ERH: variants seen among roughly 807,000 people sequenced by gnomAD.
ERH encodes ERH mRNA splicing and mitosis factor.
Under a neutral mutation model 16.8 loss-of-function variants are expected in ERH, and 1 was observed. That is an observed-to-expected ratio of 0.06 (90% CI 0.02 to 0.28). The LOEUF (loss-of-function observed/expected upper bound fraction) is 0.28. Ranked by LOEUF, ERH falls within the 10% of genes least tolerant of loss-of-function variation. The probability of loss-of-function intolerance (pLI) is 1.00; values close to 1 mark genes in which losing one functional copy is unlikely to be tolerated. For synonymous variants in ERH, 43 were observed against 43.6 expected, an observed-to-expected ratio of 0.99 and a Z score of 0.05; for missense variants, 42 against 127.5, an observed-to-expected ratio of 0.33 and a Z score of 3.23.
rs74789604 is a variant in ERH at position 69,380,462 on chromosome 14, C to G, written c.*76G>C. 1.3e-6 allele frequency: 1 copy of G among 786,406 alleles called. No homozygotes were observed. The highest frequency in any genetic ancestry group is 1.7e-5 in the African/African-American group (1 of 58,856). The allele number at this position is 786,406 out of a possible 1,614,324, so 48.7% of individuals were successfully genotyped here. A position where few individuals can be genotyped will look rare whatever the true frequency, so the allele number is the denominator to read the frequency against. On this transcript the variant is annotated 3_prime_UTR_variant, in exon 4 of 4. Coordinates refer to ENST00000557016, the MANE Select transcript of ERH (RefSeq NM_004450.3). ...AAGTGGAAACAGGATTACTATGATA[C>G]AAAACTTCCACTACAGCACGCTGTA... is the stretch of plus-strand genomic sequence containing the variant.
chr14:69,395,063 T>C, intron 1 of ERH, 151 bp from the exon 2 acceptor site: 1 of 624,716 alleles, frequency 1.6e-6, no homozygotes, highest in Non-Finnish European at 2.8e-6. Context: ...CCTATAATCC[T>C]CATCCTCTGG....
intron 2 of ERH, among the ~76,000 whole-genome samples, chr14:69,387,455 G>A (rs974876733): frequency 2.6e-5 from 4 of 152,126 alleles, no homozygotes; most frequent in African/African-American, 9.7e-5. Context: ...AGCTACCTGG[G>A]AAGCTGAGGT....
At chr14:69,384,533 GGAGT>G (rs976884008) in intron 3 of ERH, among the ~76,000 whole-genome samples, 3 of 152,090 alleles carry the variant, frequency 2.0e-5, no homozygotes, top group African/African-American at 7.2e-5. Flanking sequence ...CCACTTACTG[GGAGT>G]AAGTATGACA....
chr14:69,389,808 G>A (rs1403516945), intron 2 of ERH, among the ~76,000 whole-genome samples: 2 of 152,152 alleles, frequency 1.3e-5, no homozygotes, highest in African/African-American at 4.8e-5. Flanking sequence ...GTCTCATTCT[G>A]TTGCCCAGGC....
intron 1 of ERH, chr14:69,398,015 AG>A (rs1322993899): frequency 1.6e-6 from 1 of 621,592 alleles, no homozygotes; most frequent in Non-Finnish European, 2.8e-6. Flanking sequence ...CCGAGCGAGC[AG>A]GCGGGCGCGC....
intron 2 of ERH, among the ~76,000 whole-genome samples, chr14:69,391,324 C>T (rs1481462375): frequency 6.6e-6 from 1 of 152,024 alleles, no homozygotes; most frequent in South Asian, 2.1e-4. Flanking sequence ...TGCAGCCACA[C>T]ACACAAAAAG....
At chr14:69,396,942 G>A (rs570819103) in intron 1 of ERH, among the ~76,000 whole-genome samples, 12 of 152,310 alleles carry the variant, frequency 7.9e-5, no homozygotes, top group African/African-American at 2.6e-4. Context: ...GAAACCACGT[G>A]CATTCTTGCA....
chr14:69,396,007 C>A (rs1396668932), intron 1 of ERH, among the ~76,000 whole-genome samples: 1 of 152,162 alleles, frequency 6.6e-6, no homozygotes, highest in Non-Finnish European at 1.5e-5. Flanking sequence ...TTGACTGATT[C>A]TTTGTTACAA....
chr14:69,393,687 T>G (rs955914097), intron 2 of ERH, among the ~76,000 whole-genome samples: 6 of 151,934 alleles, frequency 3.9e-5, no homozygotes, highest in African/African-American at 1.5e-4. Context: ...GGATGAAAAA[T>G]CACTACTGCG....
At chr14:69,386,142 G>C (rs773915272) in intron 3 of ERH, among the ~76,000 whole-genome samples, 2 of 152,192 alleles carry the variant, frequency 1.3e-5, no homozygotes, top group Non-Finnish European at 2.9e-5. Flanking sequence ...AAGAGGTACA[G>C]AAAACAAAAC....
In ERH at chr14:69,398,242, ACT is replaced by A. The variant is rs750226646; in HGVS notation, c.-11_-10del. 3.1e-6 allele frequency: 5 copies of A among 1,613,576 alleles called. No homozygotes were observed. The highest frequency in any genetic ancestry group is 1.3e-5 in the African/African-American group (1 of 74,816). On this transcript the variant is annotated 5_prime_UTR_variant, in exon 1 of 4. Coordinates refer to ENST00000557016, the MANE Select transcript of ERH (RefSeq NM_004450.3). Reference sequence around the variant, plus strand: ...GAGGCCTTTCTCACCATCGCGCCAAACTCTCTTCGCTACAGCAGCTGCCGACA... The same window carrying A: ...GAGGCCTTTCTCACCATCGCGCCAAACTCTTCGCTACAGCAGCTGCCGACA...
chr14:69,384,227 TA>T (rs2045879462), intron 3 of ERH, among the ~76,000 whole-genome samples: 1 of 152,224 alleles, frequency 6.6e-6, no homozygotes. Context: ...TAATTAAAAA[TA>T]AAACTCTATC....
chr14:69,383,830 G>C (rs1460854256), intron 3 of ERH, among the ~76,000 whole-genome samples: 8 of 152,154 alleles, frequency 5.3e-5, no homozygotes, highest in African/African-American at 1.9e-4. Context: ...TAGTATGCTA[G>C]ATATGGTTTC....
chr14:69,382,909 G>A (rs187950612), intron 3 of ERH, among the ~76,000 whole-genome samples: 17 of 152,070 alleles, frequency 1.1e-4, no homozygotes, highest in African/African-American at 4.1e-4. Flanking sequence ...AAAATGCCTA[G>A]TCATTGGCAC....
At chr14:69,393,289 C>A (rs772424538) in intron 2 of ERH, among the ~76,000 whole-genome samples, 3 of 152,194 alleles carry the variant, frequency 2.0e-5, no homozygotes, top group African/African-American at 4.8e-5. Context: ...GCACTCCAGC[C>A]TGGGCGACAG....
At chr14:69,394,964 G>C (rs1882300390) in intron 1 of ERH, 52 bp from the exon 2 acceptor site, 1 of 1,292,064 alleles carries the variant, frequency 7.7e-7, no homozygotes. Context: ...GAAATTCATA[G>C]TATGATAAAA....
In ERH at chr14:69,388,131, G is replaced by A. The variant is rs559456180; in HGVS notation, c.92-1048C>T. On this transcript the variant is annotated intron_variant, in intron 2 of 3. Transcript: ENST00000557016. ...TGCCCCTGTCAAACCGAGGACAAAC[G>A]ACGCCATTCCCTGAACCACACCTGT... Among the ~76,000 whole-genome samples the A allele has an allele frequency of 1.1e-4, 16 of 152,268 alleles. 1 individual carries two copies. Among genetic ancestry groups the A allele is most frequent in the African/African-American group, 2.2e-4 (9 of 41,554 alleles).
chr14:69,384,322 G>A (rs1326454206), intron 3 of ERH, among the ~76,000 whole-genome samples: 2 of 152,208 alleles, frequency 1.3e-5, no homozygotes, highest in Non-Finnish European at 2.9e-5. Context: ...CTCACAAGGA[G>A]TCTTATGAAC....
chr14:69,385,899 T>C (rs1244802350), intron 3 of ERH, among the ~76,000 whole-genome samples: 1 of 152,178 alleles, frequency 6.6e-6, no homozygotes, highest in East Asian at 1.9e-4. Flanking sequence ...TCCCTGCTCC[T>C]CCAATCTCCT....
Sources: allele counts gnomAD v4.1 joint callset (sites outside exome capture counted in the v4.1 genomes callset), GRCh38; gene constraint gnomAD v4.1.1; transcripts MANE v1.5; gene names NCBI Gene and HGNC (gene_info 2026-07-23, HGNC 2026-07-21).